Variants in WDR1 observed in about 807,000 individuals in gnomAD.
The protein encoded by WDR1 is WD repeat-containing protein 1.
WDR1 carries 21 observed loss-of-function variants against 71.9 expected under a neutral mutation model. The ratio of observed to expected loss-of-function variants is 0.29; its 90% CI spans 0.21 to 0.42. WDR1 has a LOEUF of 0.42. Ranked by LOEUF, WDR1 falls within the 10% of genes least tolerant of loss-of-function variation. The pLI, the probability that WDR1 is intolerant of heterozygous loss-of-function variation, is 1.00. For missense variants in WDR1, 696 were observed against 824.5 expected, an observed-to-expected ratio of 0.84 and a Z score of 1.91; for synonymous variants, 424 against 347.4, an observed-to-expected ratio of 1.22 and a Z score of -2.45.
intron 5 of WDR1, chr4:10,091,482 A>G (rs989270290): frequency 3.3e-5 from 5 of 152,254 alleles, no homozygotes; most frequent in African/African-American, 1.2e-4. Context: ...TCACAGGAGA[A>G]CACCAGGCCT....
chr4:10,105,983 T>C (rs1239857651), intron 2 of WDR1, among the ~76,000 whole-genome samples: 11 of 152,300 alleles, frequency 7.2e-5, no homozygotes, highest in African/African-American at 2.4e-4. Flanking sequence ...CAACATGTTA[T>C]GCAAAGTGAA....
At chr4:10,107,103 T>G (rs1426154731) in intron 2 of WDR1, among the ~76,000 whole-genome samples, 2 of 152,156 alleles carry the variant, frequency 1.3e-5, no homozygotes, top group South Asian at 2.1e-4. Flanking sequence ...GGAGCCCCAG[T>G]GCTACTGTAG....
chr4:10,079,362 C>T (rs1242406000), intron 11 of WDR1, among the ~76,000 whole-genome samples: 1 of 152,250 alleles, frequency 6.6e-6, no homozygotes, highest in Non-Finnish European at 1.5e-5. Context: ...ACAGCGACAG[C>T]CCCTAGGCAC....
chr4:10,081,491 A>AG (rs1765012346), intron 10 of WDR1, 47 bp from the exon 11 acceptor site: 3 of 1,574,282 alleles, frequency 1.9e-6, no homozygotes, highest in Non-Finnish European at 2.6e-6. Flanking sequence ...GCAGCAGCTC[A>AG]GGGTAGGTAT....
Position 10,099,153 on chromosome 4 carries a change from C to CCCCGGG in WDR1, c.230-15_230-14insCCCGGG. 3.7e-6 allele frequency: 1 copy of CCCCGGG among 266,678 alleles called. No individual in the cohort carries two copies. Among genetic ancestry groups the CCCCGGG allele is most frequent in the Non-Finnish European group, 5.7e-6 (1 of 174,888 alleles). 16.5% of individuals were successfully genotyped at this position (266,678 alleles called of 1,614,324 possible). A position where few individuals can be genotyped will look rare whatever the true frequency, so the allele number is the denominator to read the frequency against. On this transcript the variant is annotated splice_polypyrimidine_tract_variant and intron_variant, in intron 3 of 14. Transcript: ENST00000499869. Reference sequence around the variant, plus strand: ...TCCCAGACACATCTGTGGGGCACAGCGGGCGGGGGAGGGGGGGAGGCGGTG... The same window carrying CCCCGGG: ...TCCCAGACACATCTGTGGGGCACAGCCCCGGGGGGCGGGGGAGGGGGGGAGGCGGTG...
chr4:10,090,811 C>T (rs1267328987), intron 5 of WDR1, among the ~76,000 whole-genome samples: 3 of 152,220 alleles, frequency 2.0e-5, no homozygotes, highest in Non-Finnish European at 2.9e-5. Flanking sequence ...CTACTGAGGG[C>T]GACGACAGTC....
chr4:10,101,477 G>C (rs1377111756), intron 3 of WDR1, among the ~76,000 whole-genome samples: 1 of 151,944 alleles, frequency 6.6e-6, no homozygotes, highest in Non-Finnish European at 1.5e-5. Flanking sequence ...CAATTGCTTC[G>C]CTCTATTCAA....
At chr4:10,102,367 C>G (rs1398246877) in intron 3 of WDR1, among the ~76,000 whole-genome samples, 1 of 152,196 alleles carries the variant, frequency 6.6e-6, no homozygotes, top group African/African-American at 2.4e-5. Flanking sequence ...AAACTTAATC[C>G]CCAATGCATC....
intron 5 of WDR1, chr4:10,094,857 G>A: frequency 6.6e-6 from 1 of 152,224 alleles, no homozygotes; most frequent in East Asian, 1.9e-4. Flanking sequence ...TTCAGCTCAG[G>A]CACAGCATCA....
At chr4:10,101,080 G>A (rs1712655291) in intron 3 of WDR1, among the ~76,000 whole-genome samples, 2 of 152,238 alleles carry the variant, frequency 1.3e-5, no homozygotes, top group African/African-American at 2.4e-5. Flanking sequence ...CATGGCCCTC[G>A]CCAACTCCCA....
At chr4:10,092,801 G>A (rs1010270668) in intron 5 of WDR1, 8 of 342,512 alleles carry the variant, frequency 2.3e-5, no homozygotes, top group Non-Finnish European at 4.7e-5. Context: ...CTCCCGGGGA[G>A]TTCAGGGGCA....
At chr4:10,113,600 AC>A (rs1257838515) in intron 2 of WDR1, among the ~76,000 whole-genome samples, 1 of 152,048 alleles carries the variant, frequency 6.6e-6, no homozygotes, top group Non-Finnish European at 1.5e-5. Flanking sequence ...TTGTGAACAG[AC>A]CCCCAGGGCA....
chr4:10,108,204 CA>C (rs1713137853), intron 2 of WDR1: 1 of 152,192 alleles, frequency 6.6e-6, no homozygotes, highest in Admixed American at 6.6e-5. Context: ...CTGAGCCCCT[CA>C]AAGCTCTCTT....
rs570255019 is a variant in WDR1, at chr4:10,077,113, C to T, written c.1714+191G>A. 76 of 819,386 alleles carry T rather than the reference C, an allele frequency of 9.3e-5. No homozygotes were observed. The East Asian group carries it at 2.1e-3, about 22-fold the overall frequency. 50.8% of individuals were successfully genotyped at this position (819,386 alleles called of 1,614,324 possible). ...GTCCTGTGCATGGGGCCCCCGTGGT[C>T]CCTCAGTACGGCCAGCAGCGCAGCT... On this transcript the variant is annotated intron_variant, in intron 14 of 14. Transcript: ENST00000499869.
rs1764839150 is a variant in WDR1 at position 10,077,411 on chromosome 4, A to G, written c.1607T>C (p.Val536Ala). ...NVFYGHHAKI[V>A]CLAWSPDNEH... ...ATTGTCTGGGGACCAGGCCAGGCAG[A>G]CGATTTTTGCATGGTGTCCATAAAA... Residue 536 changes from valine to alanine, a missense_variant, in exon 14 of 15, where the codon GTC becomes GCC. Transcript: ENST00000499869. 1.2e-6 allele frequency: 2 copies of G among 1,613,884 alleles called. No individual in the cohort carries two copies. Among genetic ancestry groups the G allele is most frequent in the African/African-American group, 1.3e-5 (1 of 74,934 alleles).
intron 2 of WDR1, 71 bp from the exon 3 acceptor site, chr4:10,104,057 C>A: frequency 1.4e-6 from 2 of 1,433,620 alleles, no homozygotes; most frequent in Non-Finnish European, 1.9e-6. Context: ...TCCACATCAA[C>A]AGATATGGGG....
intron 2 of WDR1, among the ~76,000 whole-genome samples, chr4:10,106,979 C>G (rs1260012183): frequency 1.3e-5 from 2 of 152,186 alleles, no homozygotes; most frequent in Non-Finnish European, 2.9e-5. Flanking sequence ...CCCCAGCCTC[C>G]TCCCCCTCCT....
At chr4:10,111,575 T>C (rs888733564) in intron 2 of WDR1, among the ~76,000 whole-genome samples, 33 of 152,192 alleles carry the variant, frequency 2.2e-4, no homozygotes, top group Non-Finnish European at 1.0e-4. Flanking sequence ...GTGAGCTCCA[T>C]GTGGGCAGGG....
chr4:10,100,485 G>A (rs1292651450), intron 3 of WDR1, among the ~76,000 whole-genome samples: 2 of 152,256 alleles, frequency 1.3e-5, no homozygotes, highest in Non-Finnish European at 2.9e-5. Flanking sequence ...CACAGGCCAC[G>A]AAGATGCCTT....
Sources: gnomAD v4.1 joint callset for allele counts (sites outside exome capture counted in the v4.1 genomes callset) on GRCh38, gnomAD v4.1.1 for gene constraint, MANE v1.5 for transcripts, NCBI Gene and HGNC (gene_info 2026-07-23, HGNC 2026-07-21) for gene names.